SMCO3: variants seen among roughly 807,000 people sequenced by gnomAD.
SMCO3 encodes single-pass membrane protein with coiled-coil domains 3, also known as single-pass membrane and coiled-coil domain-containing protein 3.
Under a neutral mutation model 12.0 loss-of-function variants are expected in SMCO3, and 6 were observed. That is an observed-to-expected ratio of 0.50 (90% CI 0.27 to 0.99). The LOEUF (loss-of-function observed/expected upper bound fraction) is 0.99. Ranked by LOEUF, SMCO3 falls within the 50% of genes least tolerant of loss-of-function variation. SMCO3 has a pLI of 0.11. For synonymous variants in SMCO3, 96 were observed against 96.4 expected, an observed-to-expected ratio of 1.00 and a Z score of 0.02; for missense variants, 279 against 265.0, an observed-to-expected ratio of 1.05 and a Z score of -0.37.
chr12:14,809,495 C>G (rs925918040), intron 1 of SMCO3, among the ~76,000 whole-genome samples: 1 of 152,076 alleles, frequency 6.6e-6, no homozygotes, highest in African/African-American at 2.4e-5. Context: ...AAAGCAGACC[C>G]TTCTATCTGT....
rs546938311 is a variant in SMCO3 at position 14,806,695 on chromosome 12, C to T, written c.-15G>A. ...CTTTGGGCCATATTTCCAATATGAT[C>T]GCTGAAAAATAAAATGGTAAATTTT... is the stretch of plus-strand genomic sequence containing the variant. On this transcript the variant is annotated splice_region_variant and 5_prime_UTR_variant, in exon 2 of 2. Coordinates refer to ENST00000316048, the MANE Select transcript of SMCO3 (RefSeq NM_001013698.2). 22 of 1,558,770 alleles carry T rather than the reference C, an allele frequency of 1.4e-5. No homozygotes were observed. The highest frequency in any genetic ancestry group is 4.8e-5 in the South Asian group (4 of 82,824).
rs184272422 is a variant in SMCO3, at chr12:14,804,931, T to G, written c.*1072A>C. ...CTGGCATCAACAGCATATTAATAAT[T>G]TTGTCAGTATAGACTAAAAGAGTCC... On this transcript the variant is annotated 3_prime_UTR_variant, in exon 2 of 2. Coordinates refer to ENST00000316048, the MANE Select transcript of SMCO3 (RefSeq NM_001013698.2). 163 of 152,338 alleles carry G rather than the reference T, an allele frequency of 1.1e-3. No individual in the cohort carries two copies. The highest frequency in any genetic ancestry group is 3.6e-3 in the African/African-American group (150 of 41,578). 9.4% of individuals were successfully genotyped at this position (152,338 alleles called of 1,614,324 possible).
intron 1 of SMCO3, among the ~76,000 whole-genome samples, chr12:14,809,596 T>C (rs1950105700): frequency 6.6e-6 from 1 of 152,044 alleles, no homozygotes; most frequent in Non-Finnish European, 1.5e-5. Context: ...GACTTTGGAG[T>C]TAAAAATTAA....
chr12:14,813,351 A>G (rs1056277851), intron 1 of SMCO3, among the ~76,000 whole-genome samples: 11 of 152,162 alleles, frequency 7.2e-5, no homozygotes, highest in African/African-American at 2.7e-4. Flanking sequence ...GTATAGGTAA[A>G]ATCAGGAGCT....
rs767087930 is a variant in SMCO3 at position 14,806,393 on chromosome 12, A to G, written c.288T>C (p.Tyr96=). 48 of 1,614,082 alleles carry G rather than the reference A, an allele frequency of 3.0e-5. No homozygotes were observed. The South Asian group carries it at 3.7e-4, about 13-fold the overall frequency. The change falls in exon 2 of 2, where the codon TAT becomes TAC. Residue 96 remains tyrosine, a synonymous_variant. Coordinates refer to ENST00000316048, the MANE Select transcript of SMCO3 (RefSeq NM_001013698.2). ...TTTCCTTAATATCCTGAAGTTTTCT[A>G]TAGAGGGTTGGCTCTAGCTTATCTT... ...ALKDKLEPTL[Y]RKLQDIKEKE...
chr12:14,813,617 A>G (rs988347070), intron 1 of SMCO3, among the ~76,000 whole-genome samples: 3 of 152,218 alleles, frequency 2.0e-5, no homozygotes, highest in African/African-American at 7.2e-5. Flanking sequence ...TGCCCTCAAG[A>G]CGATAACAGC....
At chr12:14,813,715 T>G (rs1275559383) in intron 1 of SMCO3, among the ~76,000 whole-genome samples, 3 of 152,196 alleles carry the variant, frequency 2.0e-5, no homozygotes, top group African/African-American at 7.2e-5. Flanking sequence ...TTAACCAGTA[T>G]TAGATTCCAC....
chr12:14,806,411 C>A lies in SMCO3; in HGVS notation c.270G>T (p.Lys90Asn), dbSNP rs369044986. ...GTTTTCTATAGAGGGTTGGCTCTAG[C>A]TTATCTTTTAGTGCTTCATCAACCT... ...LQKVDEALKD[K>N]LEPTLYRKLQ... Residue 90 changes from lysine (K) to asparagine (N), a missense_variant, in exon 2 of 2, where the codon AAG becomes AAT. Physicochemically the swap from Lys to Asn is moderately conservative, Grantham distance 94. Coordinates refer to ENST00000316048, the MANE Select transcript of SMCO3 (RefSeq NM_001013698.2). 1.6e-5 allele frequency: 26 copies of A among 1,614,060 alleles called. No homozygotes were observed. The African/African-American group carries it at 3.3e-4, about 21-fold the overall frequency.
Position 14,805,768 on chromosome 12 carries a change from C to T in SMCO3, c.*235G>A. On this transcript the variant is annotated 3_prime_UTR_variant, in exon 2 of 2. Transcript: ENST00000316048. ...GATCTGGTAGAGCAGGGTGTGAAAA[C>T]ATCCAGGGAGAAAATTTTTTTACCT... 2.0e-6 allele frequency: 1 copy of T among 505,516 alleles called. No individual in the cohort carries two copies. Among genetic ancestry groups the T allele is most frequent in the South Asian group, 3.0e-5 (1 of 33,030 alleles). 31.3% of individuals were successfully genotyped at this position (505,516 alleles called of 1,614,324 possible).
chr12:14,808,199 A>T (rs569255397), intron 1 of SMCO3, among the ~76,000 whole-genome samples: 7 of 152,154 alleles, frequency 4.6e-5, no homozygotes, highest in Admixed American at 1.3e-4. Flanking sequence ...ACATCATAGA[A>T]TGAATAAAAT....
Position 14,805,963 on chromosome 12 carries a change from G to A in SMCO3, c.*40C>T. 6.5e-7 allele frequency: 1 copy of A among 1,540,920 alleles called. No individual in the cohort carries two copies. Among genetic ancestry groups the A allele is most frequent in the Non-Finnish European group, 8.8e-7 (1 of 1,140,686 alleles). ...AAGAAGCAAACACTGTTACTGAAAAGGAAGCAGAAAAACACTTCAGTGGCA... is the reference window on the plus strand; with the variant it reads ...AAGAAGCAAACACTGTTACTGAAAAAGAAGCAGAAAAACACTTCAGTGGCA... On this transcript the variant is annotated 3_prime_UTR_variant, in exon 2 of 2. Coordinates refer to ENST00000316048, the MANE Select transcript of SMCO3 (RefSeq NM_001013698.2).
chr12:14,813,058 T>C (rs1376891019), intron 1 of SMCO3, among the ~76,000 whole-genome samples: 1 of 152,210 alleles, frequency 6.6e-6, no homozygotes, highest in East Asian at 1.9e-4. Context: ...GGTAGGGTTA[T>C]AGAGGAAAAA....
chr12:14,807,849 A>G (rs1950077072), intron 1 of SMCO3, among the ~76,000 whole-genome samples: 1 of 152,210 alleles, frequency 6.6e-6, no homozygotes, highest in Non-Finnish European at 1.5e-5. Flanking sequence ...CGTCAGAAAA[A>G]AAATGCCATT....
intron 1 of SMCO3, 32 bp downstream of exon 1, chr12:14,814,094 T>C (rs1950182783): frequency 6.6e-6 from 1 of 152,206 alleles, no homozygotes; most frequent in African/African-American, 2.4e-5. Flanking sequence ...GAGTATTATA[T>C]CAATACTAAT....
In SMCO3 at chr12:14,806,536, A is replaced by G. The variant is rs11609202; in HGVS notation, c.145T>C (p.Cys49Arg). The change falls in exon 2 of 2, where the codon TGC becomes CGC. Residue 49 changes from cysteine to arginine, a missense_variant. Physicochemically the swap from Cys to Arg is radical, Grantham distance 180. Transcript: ENST00000316048. Reference protein sequence around the residue: ...LTEVLNMHLGCRLASIEMKRD... With the variant: ...LTEVLNMHLGRRLASIEMKRD... ...TTCATCTCAATGGAGGCCAGCCTGCACCCCAAGTGCATATTTAGAACCTCA... is the reference window on the plus strand; with the variant it reads ...TTCATCTCAATGGAGGCCAGCCTGCGCCCCAAGTGCATATTTAGAACCTCA... 0.029 allele frequency: 47,334 copies of G among 1,614,048 alleles called. 922 individuals carry two copies. Among genetic ancestry groups the G allele is most frequent in the Middle Eastern group, 0.076 (463 of 6,062 alleles).
intron 1 of SMCO3, among the ~76,000 whole-genome samples, chr12:14,807,255 TATTC>T (rs1950066389): frequency 1.3e-5 from 2 of 152,192 alleles, no homozygotes; most frequent in African/African-American, 4.8e-5. Context: ...TGGTGAGAAA[TATTC>T]ATCGTTTGTC....
chr12:14,812,243 A>G (rs892925349), intron 1 of SMCO3, among the ~76,000 whole-genome samples: 7 of 152,032 alleles, frequency 4.6e-5, no homozygotes, highest in African/African-American at 1.7e-4. Context: ...AGGAGATCGA[A>G]ACCATCCTGG....
intron 1 of SMCO3, among the ~76,000 whole-genome samples, chr12:14,810,843 A>T (rs1188039444): frequency 6.6e-6 from 1 of 152,190 alleles, no homozygotes; most frequent in Non-Finnish European, 1.5e-5. Flanking sequence ...TCTGACTCCC[A>T]AAGTGATTAC....
rs1950056635 is a variant in SMCO3 at position 14,806,661 on chromosome 12, A to C, written c.20T>G (p.Leu7Arg). ...CCGCCTTTTTGGGTTCTCTGGGTAA[A>C]GGAAGTCACTTTGGGCCATATTTCC... is the stretch of plus-strand genomic sequence containing the variant. The part of the protein sequence containing the change: MAQSDF[L>R]YPENPKRREE... Residue 7 changes from leucine (L) to arginine (R), a missense_variant, in exon 2 of 2, where the codon CTT becomes CGT. By Grantham distance (102) the Leu-to-Arg change is moderately radical (BLOSUM62 -2). Transcript: ENST00000316048. 1.3e-6 allele frequency: 2 copies of C among 1,596,352 alleles called. No individual in the cohort carries two copies. The highest frequency in any genetic ancestry group is 1.7e-6 in the Non-Finnish European group (2 of 1,173,948).
Sources: gnomAD v4.1 joint callset for allele counts (sites outside exome capture counted in the v4.1 genomes callset) on GRCh38, gnomAD v4.1.1 for gene constraint, MANE v1.5 for transcripts, NCBI Gene and HGNC (gene_info 2026-07-23, HGNC 2026-07-21) for gene names.